ZNF655: variants seen among roughly 807,000 people sequenced by gnomAD.
ZNF655 encodes Vav-interacting Kruppel-like protein 1.
A neutral mutation model predicts 6.6 loss-of-function variants in ZNF655; 3 were observed. The ratio of observed to expected loss-of-function variants is 0.46; its 90% CI spans 0.21 to 1.18. The LOEUF (loss-of-function observed/expected upper bound fraction) is 1.18, where lower values mean the gene tolerates loss of function less well. Ranked by LOEUF, ZNF655 falls within the 50% of genes most tolerant of loss-of-function variation. The pLI is 0.24. For missense variants in ZNF655, 526 were observed against 572.3 expected (o/e 0.92, Z 0.83); for synonymous variants, 178 against 195.0 (o/e 0.91, Z 0.73).
At chr7:99,566,730 C>A (rs1361140891) in intron 2 of ZNF655, among the ~76,000 whole-genome samples, 1 of 151,842 alleles carries the variant, frequency 6.6e-6, no homozygotes, top group African/African-American at 2.4e-5. Context: ...TAATTTTTTT[C>A]TATTTTTAGT....
intron 2 of ZNF655, among the ~76,000 whole-genome samples, chr7:99,565,097 TA>T (rs1460013855): frequency 6.6e-6 from 1 of 152,214 alleles, no homozygotes; most frequent in Non-Finnish European, 1.5e-5. Context: ...GTCTGATTTT[TA>T]ACAAAAATTG....
At chr7:99,560,332 C>T (rs1346265934) in intron 1 of ZNF655, among the ~76,000 whole-genome samples, 1 of 152,182 alleles carries the variant, frequency 6.6e-6, no homozygotes, top group African/African-American at 2.4e-5. Context: ...GATCTTCCCG[C>T]CTCAGCCTCC....
chr7:99,567,946 C>G (rs1803756737), intron 2 of ZNF655, among the ~76,000 whole-genome samples: 1 of 151,496 alleles, frequency 6.6e-6, no homozygotes, highest in Non-Finnish European at 1.5e-5. Flanking sequence ...GTGATTGCAG[C>G]TACCCAGGAG....
At chr7:99,564,399 C>A (rs1803468954) in intron 2 of ZNF655, 1 of 1,038,898 alleles carries the variant, frequency 9.6e-7, no homozygotes, top group Admixed American at 5.7e-5. Context: ...CCCTGGGCTT[C>A]CCTCATGTTT....
chr7:99,574,753 C>G lies in ZNF655; in HGVS notation c.*1169C>G, dbSNP rs1478403901. On this transcript the variant is annotated 3_prime_UTR_variant, in exon 3 of 3. Transcript: ENST00000252713. ...TCCAAAACCAACTCTTAGGCCTGCT[C>G]TTTACTAGGGATCTTATGTCGTATT... The G allele has an allele frequency of 1.3e-5, 2 of 152,192 alleles. No homozygotes were observed. The highest frequency in any genetic ancestry group is 1.9e-4 in the East Asian group (1 of 5,202). The allele number at this position is 152,192 out of a possible 1,614,324, so 9.4% of individuals were successfully genotyped here.
At chr7:99,565,615 A>G (rs1803562052) in intron 2 of ZNF655, among the ~76,000 whole-genome samples, 3 of 152,194 alleles carry the variant, frequency 2.0e-5, no homozygotes, top group Non-Finnish European at 4.4e-5. Flanking sequence ...TGAAAAAAGA[A>G]CATACTCCAT....
intron 2 of ZNF655, chr7:99,562,505 CCTTAT>C: frequency 6.2e-7 from 1 of 1,604,984 alleles, no homozygotes; most frequent in South Asian, 1.1e-5. Flanking sequence ...GTAAGGACTT[CCTTAT>C]TATTCGGTTT....
rs28546282 is a variant in ZNF655, at chr7:99,574,950, A to T, written c.*1366A>T. On this transcript the variant is annotated 3_prime_UTR_variant, in exon 3 of 3. Coordinates refer to ENST00000252713, the MANE Select transcript of ZNF655 (RefSeq NM_138494.3). Reference sequence around the variant, plus strand: ...TTCCTAAAGTGAAGCATCTTTTTTTAAAAAAGAATTTGATTGACAATATAT... The same window carrying T: ...TTCCTAAAGTGAAGCATCTTTTTTTTAAAAAGAATTTGATTGACAATATAT... 6.6e-6 allele frequency: 1 copy of T among 152,274 alleles called. No individual in the cohort carries two copies. The highest frequency in any genetic ancestry group is 1.5e-5 in the Non-Finnish European group (1 of 68,020). 9.4% of individuals were successfully genotyped at this position (152,274 alleles called of 1,614,324 possible).
intron 2 of ZNF655, 127 bp downstream of exon 2, chr7:99,560,822 G>A: frequency 8.3e-7 from 1 of 1,200,842 alleles, no homozygotes; most frequent in Non-Finnish European, 1.2e-6. Flanking sequence ...AGGGAGGAAT[G>A]AAAGAGGGGG....
At chr7:99,569,539 TACCAGTTATTGTA>T (rs1377603039) in intron 2 of ZNF655, among the ~76,000 whole-genome samples, 3 of 152,172 alleles carry the variant, frequency 2.0e-5, no homozygotes, top group Non-Finnish European at 4.4e-5. Context: ...AACTAAGCAT[TACCAGTTATTGTA>T]ACCTTGGGCA....
chr7:99,571,667 C>G, intron 2 of ZNF655: 3 of 1,570,314 alleles, frequency 1.9e-6, no homozygotes, highest in African/African-American at 2.7e-5. Flanking sequence ...TGCCACATCC[C>G]ATTTCCTTCT....
chr7:99,568,612 C>T lies in ZNF655; in HGVS notation c.137-3633C>T, dbSNP rs375150016. Among the ~76,000 whole-genome samples the T allele has an allele frequency of 5.3e-5, 8 of 151,490 alleles. No homozygotes were observed. The East Asian group carries it at 5.9e-4, about 11-fold the overall frequency. On this transcript the variant is annotated intron_variant, in intron 2 of 2. Transcript: ENST00000252713. Reference sequence around the variant, plus strand: ...TTGATAATAAATCATCTTTTAGATCCCTTTTAATTTTTAATTTTAATTTTT... The same window carrying T: ...TTGATAATAAATCATCTTTTAGATCTCTTTTAATTTTTAATTTTAATTTTT...
rs1804285255 is a variant in ZNF655 at position 99,574,451 on chromosome 7, C to G, written c.*867C>G. 1.3e-5 allele frequency: 2 copies of G among 151,952 alleles called. No individual in the cohort carries two copies. The highest frequency in any genetic ancestry group is 4.2e-4 in the South Asian group (2 of 4,814). The allele number at this position is 151,952 out of a possible 1,614,324, so 9.4% of individuals were successfully genotyped here. On this transcript the variant is annotated 3_prime_UTR_variant, in exon 3 of 3. Coordinates refer to ENST00000252713, the MANE Select transcript of ZNF655 (RefSeq NM_138494.3). ...AGAGATGGGGTCTTGCTTTGTTGCC[C>G]AGGCTGGTCTTGAACTCCTGGCCTC...
At chr7:99,565,420 C>T (rs1016819052) in intron 2 of ZNF655, among the ~76,000 whole-genome samples, 1 of 152,140 alleles carries the variant, frequency 6.6e-6, no homozygotes. Context: ...CCGCCTGTCT[C>T]GGCCTCCCAA....
intron 2 of ZNF655, among the ~76,000 whole-genome samples, chr7:99,566,655 G>T (rs1044352969): frequency 6.6e-6 from 1 of 152,124 alleles, no homozygotes; most frequent in Non-Finnish European, 1.5e-5. Context: ...CTTCCCTCCA[G>T]GCTCAGGTGA....
chr7:99,567,912 A>G (rs1391494560), intron 2 of ZNF655, among the ~76,000 whole-genome samples: 1 of 151,776 alleles, frequency 6.6e-6, no homozygotes, highest in Non-Finnish European at 1.5e-5. Flanking sequence ...TACAAAAATT[A>G]GCTGGGCATG....
At chr7:99,569,082 G>A (rs1803848394) in intron 2 of ZNF655, among the ~76,000 whole-genome samples, 1 of 152,158 alleles carries the variant, frequency 6.6e-6, no homozygotes, top group Admixed American at 6.5e-5. Flanking sequence ...TCTGTGCCCA[G>A]CCATAGATCC....
intron 2 of ZNF655, among the ~76,000 whole-genome samples, chr7:99,565,265 T>C (rs1479462002): frequency 6.6e-6 from 1 of 152,212 alleles, no homozygotes; most frequent in East Asian, 1.9e-4. Flanking sequence ...ACCTCCCGGC[T>C]TCATGCCATT....
chr7:99,564,041 T>G, intron 2 of ZNF655: 1 of 1,607,060 alleles, frequency 6.2e-7, no homozygotes, highest in Non-Finnish European at 8.5e-7. Flanking sequence ...GCTCGGAAAC[T>G]CCTTTTCCAC....
Sources: allele counts gnomAD v4.1 joint callset (sites outside exome capture counted in the v4.1 genomes callset), GRCh38; gene constraint gnomAD v4.1.1; transcripts MANE v1.5; gene names NCBI Gene and HGNC (gene_info 2026-07-23, HGNC 2026-07-21).